RORA: variants seen among roughly 807,000 people sequenced by gnomAD.
RORA encodes RAR related orphan receptor A, also known as nuclear receptor ROR-alpha.
Under a neutral mutation model 69.5 loss-of-function variants are expected in RORA, and 7 were observed. The observed-to-expected ratio is 0.10, with a 90% CI of 0.06 to 0.19. The LOEUF (loss-of-function observed/expected upper bound fraction) is 0.19. Ranked by LOEUF, RORA falls within the 10% of genes least tolerant of loss-of-function variation. RORA has a pLI of 1.00. For synonymous variants in RORA, 261 were observed against 240.8 expected (o/e 1.08, Z -0.78); for missense variants, 457 against 663.0 (o/e 0.69, Z 3.41).
At chr15:60,899,401 G>A (rs529802510) in intron 1 of RORA, among the ~76,000 whole-genome samples, 3 of 152,146 alleles carry the variant, frequency 2.0e-5, no homozygotes, top group African/African-American at 4.8e-5. Context: ...GCATAGATGT[G>A]GATAGGAAAT....
intron 1 of RORA, among the ~76,000 whole-genome samples, chr15:60,794,229 C>A (rs566334656): frequency 6.6e-6 from 1 of 152,332 alleles, no homozygotes; most frequent in East Asian, 1.9e-4. Context: ...CAGAAAATCT[C>A]AAAGCCCAAC....
intron 1 of RORA, among the ~76,000 whole-genome samples, chr15:61,022,235 G>C (rs1895563789): frequency 1.3e-5 from 2 of 152,214 alleles, no homozygotes; most frequent in Non-Finnish European, 2.9e-5. Flanking sequence ...CCTACAGGGT[G>C]TTTGGGACCA....
At chr15:60,797,517 A>G (rs2072515347) in intron 1 of RORA, among the ~76,000 whole-genome samples, 1 of 152,214 alleles carries the variant, frequency 6.6e-6, no homozygotes, top group South Asian at 2.1e-4. Context: ...ATGGCAGCTC[A>G]TTACACATTC....
At chr15:60,815,941 T>TATATATACACTATAAATA (rs1366225765) in intron 1 of RORA, among the ~76,000 whole-genome samples, 7 of 129,134 alleles carry the variant, frequency 5.4e-5, no homozygotes, top group Middle Eastern at 3.9e-3. Flanking sequence ...CTATAAATAG[T>TATATATACACTATAAATA]GTATATATAC....
intron 2 of RORA, among the ~76,000 whole-genome samples, chr15:60,577,982 A>G (rs574082103): frequency 2.6e-4 from 39 of 152,358 alleles, no homozygotes; most frequent in Middle Eastern, 3.4e-3. Context: ...CTGGCCTCAC[A>G]AAGATATGTA....
At chr15:60,899,986 T>C (rs1021669225) in intron 1 of RORA, among the ~76,000 whole-genome samples, 1 of 152,246 alleles carries the variant, frequency 6.6e-6, no homozygotes, top group African/African-American at 2.4e-5. Flanking sequence ...TTCTGCAGAA[T>C]TATTTTAGTT....
At chr15:61,028,061 T>G (rs1013021549) in intron 1 of RORA, among the ~76,000 whole-genome samples, 10 of 152,200 alleles carry the variant, frequency 6.6e-5, no homozygotes, top group Non-Finnish European at 1.3e-4. Flanking sequence ...CCCCAAATAC[T>G]GACAAAAGCT....
chr15:60,918,675 A>G (rs1027756776), intron 1 of RORA, among the ~76,000 whole-genome samples: 1 of 152,218 alleles, frequency 6.6e-6, no homozygotes, highest in Non-Finnish European at 1.5e-5. Flanking sequence ...TGGAGATATC[A>G]GAAATATTTT....
chr15:60,856,930 A>G (rs1051855249), intron 1 of RORA, among the ~76,000 whole-genome samples: 1 of 152,246 alleles, frequency 6.6e-6, no homozygotes, highest in African/African-American at 2.4e-5. Flanking sequence ...AAGAGGAAGG[A>G]TGAGGAATAA....
chr15:60,988,893 C>CGAAG (rs71122894), intron 1 of RORA, among the ~76,000 whole-genome samples: 30,947 of 151,828 alleles, frequency 0.2, 3,574 homozygotes, highest in Non-Finnish European at 0.26. Flanking sequence ...TCTTTTACAC[C>CGAAG]GAAGGAAAGA....
At chr15:60,846,309 C>A (rs1333952913) in intron 1 of RORA, among the ~76,000 whole-genome samples, 3 of 152,164 alleles carry the variant, frequency 2.0e-5, no homozygotes, top group Admixed American at 1.3e-4. Flanking sequence ...CAGAGTGTAG[C>A]ACTTGATAGG....
intron 2 of RORA, among the ~76,000 whole-genome samples, chr15:60,669,417 T>A (rs963094683): frequency 1.3e-5 from 2 of 152,120 alleles, no homozygotes; most frequent in African/African-American, 4.8e-5. Flanking sequence ...GAAGTAGTTC[T>A]AACTAAGGAT....
At chr15:61,090,692 C>A (rs2078692380) in intron 1 of RORA, among the ~76,000 whole-genome samples, 1 of 152,168 alleles carries the variant, frequency 6.6e-6, no homozygotes, top group Admixed American at 6.5e-5. Flanking sequence ...GATTATGGAG[C>A]TCTAGACAAG....
In RORA at chr15:60,658,408, C is replaced by A. The variant is rs920455820; in HGVS notation, c.196+20249G>T. Among the ~76,000 whole-genome samples the A allele has an allele frequency of 3.3e-5, 5 of 152,136 alleles. No homozygotes were observed. The East Asian group carries it at 9.6e-4, about 29-fold the overall frequency. ...CCATATAGTAGGAGGTCAGGGAGAT[C>A]AAGGGGATTCCTGGATGCATAAATA... On this transcript the variant is annotated intron_variant, in intron 2 of 10. Transcript: ENST00000335670.
chr15:60,597,617 T>TATACATATATATATATATATATATATAC (rs765883784), intron 2 of RORA, among the ~76,000 whole-genome samples: 1 of 43,550 alleles, frequency 2.3e-5, no homozygotes, highest in Non-Finnish European at 3.8e-5. Flanking sequence ...TATATATATA[T>TATACATATATATATATATATATATATAC]ACATACATAT....
chr15:60,770,323 G>A (rs750844975), intron 1 of RORA, among the ~76,000 whole-genome samples: 1 of 151,896 alleles, frequency 6.6e-6, no homozygotes, highest in Admixed American at 6.6e-5. Flanking sequence ...CTCCTTTTGT[G>A]TTTCTTAACT....
intron 1 of RORA, among the ~76,000 whole-genome samples, chr15:61,028,794 A>G (rs1203132081): frequency 1.2e-4 from 18 of 152,238 alleles, no homozygotes; most frequent in Non-Finnish European, 2.9e-5. Flanking sequence ...AATATATTCC[A>G]TCATAAAAAG....
chr15:60,637,814 C>A lies in RORA; in HGVS notation c.196+40843G>T, dbSNP rs188819029. ...TTCTCCATCCCTAGTCCTTTTCTTT[C>A]TTTTTTTCTTTCTTTTTTTTCTAAA... On this transcript the variant is annotated intron_variant, in intron 2 of 10. Transcript: ENST00000335670. Among the ~76,000 whole-genome samples the A allele has an allele frequency of 2.9e-4, 44 of 151,136 alleles. No homozygotes were observed. In the East Asian group the frequency reaches 7.1e-3, roughly 25 times the overall value.
intron 1 of RORA, among the ~76,000 whole-genome samples, chr15:60,741,787 T>C (rs1048549254): frequency 6.6e-6 from 1 of 152,088 alleles, no homozygotes; most frequent in Non-Finnish European, 1.5e-5. Flanking sequence ...ACTGTCTTCA[T>C]CTCTTCATTA....
Sources: gnomAD v4.1 joint callset for allele counts (sites outside exome capture counted in the v4.1 genomes callset) on GRCh38, gnomAD v4.1.1 for gene constraint, MANE v1.5 for transcripts, NCBI Gene and HGNC (gene_info 2026-07-23, HGNC 2026-07-21) for gene names.